Variants in CACNA1A observed in about 807,000 individuals in gnomAD.
CACNA1A encodes calcium voltage-gated channel subunit alpha1 A, also known as voltage-dependent P/Q-type calcium channel subunit alpha-1A.
In CACNA1A, 57 loss-of-function variants were observed where a neutral mutation model predicts 262.4. That is an observed-to-expected ratio of 0.22 (90% CI 0.18 to 0.27). The LOEUF (loss-of-function observed/expected upper bound fraction) is 0.27. Among genes scored for constraint, CACNA1A ranks in the 10% least tolerant of loss-of-function variants. The pLI, the probability that CACNA1A is intolerant of heterozygous loss-of-function variation, is 1.00. For synonymous variants in CACNA1A, 1,431 were observed against 1,419.3 expected (o/e 1.01, Z -0.18); for missense variants, 2,526 against 3,562.8 (o/e 0.71, Z 7.41).
chr19:13,334,310 G>C (rs890365925), intron 8 of CACNA1A, 68 bp downstream of exon 8: 1 of 890,046 alleles, frequency 1.1e-6, no homozygotes, highest in Non-Finnish European at 1.9e-6. Context: ...TCTCCAAACT[G>C]CATGACTCTC....
chr19:13,346,214 A>G (rs944451807), intron 6 of CACNA1A, among the ~76,000 whole-genome samples: 4 of 150,416 alleles, frequency 2.7e-5, no homozygotes, highest in Non-Finnish European at 5.9e-5. Context: ...TCCATGAAGT[A>G]TTTTATCATC....
intron 31 of CACNA1A, among the ~76,000 whole-genome samples, chr19:13,243,345 C>T (rs2056132135): frequency 6.6e-6 from 1 of 152,140 alleles, no homozygotes. Context: ...TGCCGTAGGA[C>T]ATATCAAAGA....
chr19:13,464,332 G>C (rs2061180146), intron 1 of CACNA1A, among the ~76,000 whole-genome samples: 1 of 152,124 alleles, frequency 6.6e-6, no homozygotes, highest in African/African-American at 2.4e-5. Flanking sequence ...CTGGGAATTT[G>C]AGGCTGCATT....
intron 3 of CACNA1A, among the ~76,000 whole-genome samples, chr19:13,395,645 A>T (rs1258587487): frequency 6.6e-6 from 1 of 152,046 alleles, no homozygotes; most frequent in Non-Finnish European, 1.5e-5. Flanking sequence ...GAAATTATCT[A>T]ACTTACGTTA....
In CACNA1A at chr19:13,212,683, C is replaced by T. The variant is rs768096545; in HGVS notation, c.5998G>A (p.Gly2000Arg). ...GAGGGGAGGGCGTTCTGGCCAGGTC[C>T]CCCTTCCTGCGTTGGGGACGGGGGC... The part of the protein sequence containing the change: ...MEPPSPTQEG[G>R]PGQNALPSTQ... The change falls in exon 41 of 47, where the codon GGA becomes AGA. Residue 2000 changes from glycine (G) to arginine (R), a missense_variant. Physicochemically the swap from Gly to Arg is moderately radical, Grantham distance 125 (BLOSUM62 -2). Around this residue, in one of 17 missense-constraint regions of CACNA1A, gnomAD observed 929 missense variants for 868.1 expected, o/e 1.07. Coordinates refer to ENST00000360228, the MANE Select transcript of CACNA1A (RefSeq NM_001127222.2). This position sits in a 1 kb window ranked among gnomAD's most constrained non-coding sequence, Gnocchi z 5.6. 12 of 1,510,870 alleles carry T rather than the reference C, an allele frequency of 7.9e-6. No individual in the cohort carries two copies. The highest frequency in any genetic ancestry group is 2.3e-5 in the East Asian group (1 of 43,658). 93.6% of individuals were successfully genotyped at this position (1,510,870 alleles called of 1,614,324 possible).
At chr19:13,425,559 G>C (rs181964123) in intron 3 of CACNA1A, among the ~76,000 whole-genome samples, 1 of 152,302 alleles carries the variant, frequency 6.6e-6, no homozygotes, top group Non-Finnish European at 1.5e-5. Context: ...TTGCAGAAAA[G>C]GAGAAAAACA....
intron 6 of CACNA1A, among the ~76,000 whole-genome samples, chr19:13,347,413 C>T (rs564738603): frequency 6.6e-6 from 1 of 152,114 alleles, no homozygotes; most frequent in East Asian, 1.9e-4. Flanking sequence ...TGACAATGCA[C>T]AAACTCTCTA....
chr19:13,228,595 G>GTT (rs2055555456), intron 36 of CACNA1A: 1 of 182,594 alleles, frequency 5.5e-6, no homozygotes, highest in Non-Finnish European at 9.5e-6. Flanking sequence ...TTTTTTTAGA[G>GTT]AGAGAGAGAG....
chr19:13,291,147 A>G (rs528810191), intron 19 of CACNA1A, among the ~76,000 whole-genome samples: 8 of 152,152 alleles, frequency 5.3e-5, no homozygotes, highest in African/African-American at 1.7e-4. Context: ...TCTGCCTGGA[A>G]TAGGTGGCCA....
At chr19:13,454,845 G>A (rs1173022949) in intron 2 of CACNA1A, among the ~76,000 whole-genome samples, 1 of 152,140 alleles carries the variant, frequency 6.6e-6, no homozygotes, top group East Asian at 1.9e-4. Flanking sequence ...TGTAGTCCCT[G>A]CTACTCAGGA....
intron 6 of CACNA1A, among the ~76,000 whole-genome samples, chr19:13,347,050 G>GTTTTT (rs911693291): frequency 1.0e-5 from 1 of 96,886 alleles, no homozygotes; most frequent in African/African-American, 3.9e-5. Context: ...CTTCAGGTCT[G>GTTTTT]TTTTTTTTGT....
chr19:13,251,223 C>T (rs1368271407), intron 30 of CACNA1A, among the ~76,000 whole-genome samples: 1 of 151,982 alleles, frequency 6.6e-6, no homozygotes, highest in Non-Finnish European at 1.5e-5. Flanking sequence ...GTGGCTCCCG[C>T]CTGTAATCCC....
At chr19:13,391,043 T>A (rs979500214) in intron 3 of CACNA1A, among the ~76,000 whole-genome samples, 8 of 152,042 alleles carry the variant, frequency 5.3e-5, no homozygotes, top group Non-Finnish European at 1.2e-4. Context: ...CGTGACACCA[T>A]TCCTGGCTAA....
intron 1 of CACNA1A, among the ~76,000 whole-genome samples, chr19:13,471,838 G>A (rs1257324454): frequency 6.6e-6 from 1 of 152,156 alleles, no homozygotes; most frequent in Non-Finnish European, 1.5e-5. Context: ...TTTCTGGAGG[G>A]GTGGTGATGA....
At chr19:13,281,520 C>T (rs74414489) in intron 22 of CACNA1A, among the ~76,000 whole-genome samples, 8,479 of 152,068 alleles carry the variant, frequency 0.056, 679 homozygotes, top group East Asian at 0.23. Context: ...CTGGATCATC[C>T]TCTAGAGTGG....
At chr19:13,481,635 C>G (rs979161148) in intron 1 of CACNA1A, among the ~76,000 whole-genome samples, 1 of 152,102 alleles carries the variant, frequency 6.6e-6, no homozygotes, top group African/African-American at 2.4e-5. Flanking sequence ...AGATTGGAGT[C>G]AGGCGGGCTC....
Position 13,308,224 on chromosome 19 carries a change from G to T in CACNA1A, c.1809C>A (p.Val603=). ...ACTTCATGGAGTTGAGGAGAGAGAC[G>T]ACCAGGTTTCTGAGAGATGCCCAGT... ...TKYWASLRNL[V]VSLLNSMKSI... The change falls in exon 14 of 47, where the codon GTC becomes GTA. Residue 603 remains valine (V), a synonymous_variant. Transcript: ENST00000360228. This position sits in a 1 kb window ranked among gnomAD's most constrained non-coding sequence, Gnocchi z 4.2. 1 of 1,613,678 alleles carries T rather than the reference G, an allele frequency of 6.2e-7. No individual in the cohort carries two copies. Among genetic ancestry groups the T allele is most frequent in the Non-Finnish European group, 8.5e-7 (1 of 1,179,748 alleles).
At chr19:13,246,828 A>G (rs1461134692) in intron 30 of CACNA1A, among the ~76,000 whole-genome samples, 1 of 151,644 alleles carries the variant, frequency 6.6e-6, no homozygotes, top group South Asian at 2.1e-4. Flanking sequence ...GGGTTTCACC[A>G]TGTTAGCCAG....
At chr19:13,430,219 T>TATATATA (rs549050308) in intron 3 of CACNA1A, among the ~76,000 whole-genome samples, 3,294 of 149,718 alleles carry the variant, frequency 0.022, 116 homozygotes, top group African/African-American at 0.074. Context: ...ATATATATAT[T>TATATATA]TTTTGAGACA....
Sources: allele counts gnomAD v4.1 joint callset (sites outside exome capture counted in the v4.1 genomes callset), GRCh38; gene constraint gnomAD v4.1.1; regional missense constraint gnomAD v4.1.1; non-coding constraint Gnocchi (gnomAD v3.1); transcripts MANE v1.5; gene names NCBI Gene and HGNC (gene_info 2026-07-23, HGNC 2026-07-21).